Variants in HDAC9 observed in about 807,000 individuals in gnomAD.
HDAC9 encodes histone deacetylase 9.
Under a neutral mutation model 139.4 loss-of-function variants are expected in HDAC9, and 41 were observed. The observed-to-expected ratio is 0.29, with a 90% CI of 0.23 to 0.38. The LOEUF (loss-of-function observed/expected upper bound fraction) is 0.38. Ranked by LOEUF, HDAC9 falls within the 10% of genes least tolerant of loss-of-function variation. The probability of loss-of-function intolerance (pLI) is 1.00; values close to 1 mark genes in which losing one functional copy is unlikely to be tolerated. For synonymous variants in HDAC9, 517 were observed against 476.2 expected (o/e 1.09, Z -1.12); for missense variants, 1,147 against 1,297.0 (o/e 0.88, Z 1.78).
chr7:18,936,426 C>T lies in HDAC9; in HGVS notation c.2937+484C>T, dbSNP rs181648738. Among the ~76,000 whole-genome samples the T allele has an allele frequency of 7.2e-5, 11 of 152,252 alleles. No homozygotes were observed. In the East Asian group the frequency reaches 2.1e-3, roughly 29 times the overall value. ...GTTGAGAAATCCATCCAAAGTCATG[C>T]AGTCAGAATGCATTATAAGATCCAA... is the stretch of plus-strand genomic sequence containing the variant. On this transcript the variant is annotated intron_variant, in intron 23 of 25. Transcript: ENST00000686413.
chr7:18,396,133 C>CCTTCCCTTCCCTTTT (rs1787030758), intron 1 of HDAC9, among the ~76,000 whole-genome samples: 1 of 119,500 alleles, frequency 8.4e-6, no homozygotes, highest in Non-Finnish European at 1.6e-5. Context: ...CCTTCCCTTG[C>CCTTCCCTTCCCTTTT]CTTCCCTTCC....
At chr7:18,168,595 G>C (rs941696842) in intron 2 of HDAC9, among the ~76,000 whole-genome samples, 1 of 150,244 alleles carries the variant, frequency 6.7e-6, no homozygotes, top group Non-Finnish European at 1.5e-5. Flanking sequence ...TACGTGTGTG[G>C]TGCATGTGTG....
intron 2 of HDAC9, among the ~76,000 whole-genome samples, chr7:18,504,204 C>G (rs1044169306): frequency 3.3e-5 from 5 of 152,118 alleles, no homozygotes; most frequent in Admixed American, 2.0e-4. Context: ...ACATTAGGAA[C>G]TATCCATTTT....
At chr7:18,838,505 G>A (rs1585130522) in intron 21 of HDAC9, among the ~76,000 whole-genome samples, 2 of 152,112 alleles carry the variant, frequency 1.3e-5, no homozygotes, top group East Asian at 3.9e-4. Context: ...AGGACATGAG[G>A]TGGGATTGGT....
intron 1 of HDAC9, among the ~76,000 whole-genome samples, chr7:18,358,427 G>T (rs951469206): frequency 2.6e-5 from 4 of 152,188 alleles, no homozygotes; most frequent in Non-Finnish European, 4.4e-5. Flanking sequence ...AGTAGTTAAT[G>T]ATTAGTGGGA....
rs1024811757 is a variant in HDAC9 at position 18,150,066 on chromosome 7, A to C, written c.-96-12163A>C. On this transcript the variant is annotated intron_variant, in intron 1 of 12. Coordinates refer to the HDAC9 transcript ENST00000417496. The stretch of plus-strand genomic sequence containing the variant: ...TTTTCCTAGTGTGATTTGTCTTTGC[A>C]CTTTATTAGGGTTTTTTTTTTTTTT... Among the ~76,000 whole-genome samples the C allele has an allele frequency of 8.0e-3, 1,047 of 130,408 alleles. 14 individuals are homozygous for C. Among genetic ancestry groups the C allele is most frequent in the African/African-American group, 0.028 (1,007 of 35,898 alleles). 85.6% of individuals were successfully genotyped at this position (130,408 alleles called of 152,430 possible). A position where few individuals can be genotyped will look rare whatever the true frequency, so the allele number is the denominator to read the frequency against.
At chr7:18,968,983 G>A (rs375185031) in intron 24 of HDAC9, among the ~76,000 whole-genome samples, 4,275 of 56,982 alleles carry the variant, frequency 0.075, no homozygotes, top group Non-Finnish European at 0.1. Flanking sequence ...AAAAAAAAAA[G>A]AATCACTTTA....
At chr7:18,314,427 G>A (rs1018714111) in intron 1 of HDAC9, among the ~76,000 whole-genome samples, 1 of 152,216 alleles carries the variant, frequency 6.6e-6, no homozygotes, top group African/African-American at 2.4e-5. Context: ...GACTTGCAGT[G>A]TGAGAATCCT....
At chr7:18,328,000 A>G (rs1800598647) in intron 1 of HDAC9, among the ~76,000 whole-genome samples, 1 of 152,004 alleles carries the variant, frequency 6.6e-6, no homozygotes, top group African/African-American at 2.4e-5. Context: ...CATGGTATAA[A>G]AGAATATTTA....
chr7:18,168,891 T>TGTGTGTGTG (rs1256067548), intron 2 of HDAC9, among the ~76,000 whole-genome samples: 46 of 114,728 alleles, frequency 4.0e-4, no homozygotes, highest in African/African-American at 1.9e-3. Context: ...TTTTTTTTTT[T>TGTGTGTGTG]TTTTTTTGTG....
chr7:18,103,582 A>G (rs891488641), intron 1 of HDAC9, among the ~76,000 whole-genome samples: 1 of 152,078 alleles, frequency 6.6e-6, no homozygotes, highest in African/African-American at 2.4e-5. Flanking sequence ...AGTCTTGTCT[A>G]ACTAAGCCAC....
At chr7:18,628,354 A>G (rs1186720296) in intron 6 of HDAC9, among the ~76,000 whole-genome samples, 2 of 152,160 alleles carry the variant, frequency 1.3e-5, no homozygotes, top group African/African-American at 4.8e-5. Flanking sequence ...ATAAATAGGC[A>G]TAGGCTTTCC....
intron 2 of HDAC9, among the ~76,000 whole-genome samples, chr7:18,515,209 G>A (rs1030230048): frequency 2.6e-5 from 4 of 152,176 alleles, no homozygotes; most frequent in Non-Finnish European, 4.4e-5. Flanking sequence ...GATAACAAGA[G>A]TATTTTTTCC....
chr7:18,465,267 AT>A (rs1794174768), intron 1 of HDAC9, among the ~76,000 whole-genome samples: 1 of 151,944 alleles, frequency 6.6e-6, no homozygotes, highest in Non-Finnish European at 1.5e-5. Context: ...ATTTCTAAAG[AT>A]TCCCATTATT....
intron 1 of HDAC9, among the ~76,000 whole-genome samples, chr7:18,383,455 G>A (rs73307435): frequency 0.014 from 2,062 of 152,182 alleles, 44 homozygotes; most frequent in African/African-American, 0.047. Context: ...GATAAAACTG[G>A]CATTTAAGTT....
chr7:18,378,607 A>T (rs1207883950), intron 1 of HDAC9, among the ~76,000 whole-genome samples: 1 of 152,092 alleles, frequency 6.6e-6, no homozygotes, highest in African/African-American at 2.4e-5. Context: ...GTGAAATTAT[A>T]TATACATATA....
chr7:18,903,862 A>G (rs148953475), intron 22 of HDAC9, among the ~76,000 whole-genome samples: 1 of 152,116 alleles, frequency 6.6e-6, no homozygotes, highest in East Asian at 1.9e-4. Context: ...CTCTCTCTCT[A>G]TTTTATCAAT....
chr7:18,894,166 A>C (rs1800955875), intron 22 of HDAC9, among the ~76,000 whole-genome samples: 1 of 152,128 alleles, frequency 6.6e-6, no homozygotes, highest in African/African-American at 2.4e-5. Context: ...CTCTGAACTG[A>C]AATGGGGAAA....
chr7:18,820,759 G>A (rs73683545), intron 17 of HDAC9, among the ~76,000 whole-genome samples: 2,373 of 152,282 alleles, frequency 0.016, 67 homozygotes, highest in African/African-American at 0.053. Flanking sequence ...GTTTTGGGGA[G>A]TGGGGAGGAG....
Sources: allele counts gnomAD v4.1 joint callset (sites outside exome capture counted in the v4.1 genomes callset), GRCh38; gene constraint gnomAD v4.1.1; transcripts MANE v1.5; gene names NCBI Gene and HGNC (gene_info 2026-07-23, HGNC 2026-07-21).